UBE2D2: variants seen among roughly 807,000 people sequenced by gnomAD.
UBE2D2 encodes ubiquitin conjugating enzyme E2 D2, also known as ubiquitin-conjugating enzyme E2 D2.
Under a neutral mutation model 24.2 loss-of-function variants are expected in UBE2D2, and 2 were observed. The ratio of observed to expected loss-of-function variants is 0.08; its 90% CI spans 0.03 to 0.26. The LOEUF (loss-of-function observed/expected upper bound fraction) is 0.26, where lower values mean the gene tolerates loss of function less well. UBE2D2 is among the 10% of genes least tolerant of loss of function. The probability of loss-of-function intolerance (pLI) is 1.00; values close to 1 mark genes in which losing one functional copy is unlikely to be tolerated. For synonymous variants in UBE2D2, 58 were observed against 56.5 expected (o/e 1.03, Z -0.12); for missense variants, 44 against 177.6 (o/e 0.25, Z 4.28).
chr5:139,535,721 T>C (rs192906476), intron 1 of UBE2D2, among the ~76,000 whole-genome samples: 1 of 152,312 alleles, frequency 6.6e-6, no homozygotes, highest in East Asian at 1.9e-4. Flanking sequence ...TTTCCATGTA[T>C]TGACACAAAA....
chr5:139,596,493 C>T (rs1753962594), intron 1 of UBE2D2, among the ~76,000 whole-genome samples: 1 of 151,836 alleles, frequency 6.6e-6, no homozygotes, highest in African/African-American at 2.4e-5. Flanking sequence ...GGGGTTTCAC[C>T]ATGTTGGTCA....
At chr5:139,542,272 G>C (rs1752771172) in intron 1 of UBE2D2, among the ~76,000 whole-genome samples, 1 of 152,122 alleles carries the variant, frequency 6.6e-6, no homozygotes, top group Admixed American at 6.6e-5. Context: ...AGAGAAACAG[G>C]CTTACAGGCA....
At chr5:139,529,567 T>G (rs920724911) in intron 1 of UBE2D2, among the ~76,000 whole-genome samples, 1 of 152,122 alleles carries the variant, frequency 6.6e-6, no homozygotes, top group Non-Finnish European at 1.5e-5. Context: ...AAATGAAAAG[T>G]CAGCCCCTCC....
chr5:139,576,769 A>C (rs1753479940), intron 1 of UBE2D2, among the ~76,000 whole-genome samples: 1 of 152,120 alleles, frequency 6.6e-6, no homozygotes. Flanking sequence ...CTTACATAAA[A>C]TGTAATTTTA....
chr5:139,551,342 T>A (rs1009203697), intron 1 of UBE2D2, among the ~76,000 whole-genome samples: 17 of 152,014 alleles, frequency 1.1e-4, no homozygotes, highest in African/African-American at 3.6e-4. Context: ...AGAGTGAAAC[T>A]CCATCTCAAA....
At chr5:139,600,570 A>G in intron 2 of UBE2D2, 135 bp downstream of exon 2, 4 of 787,508 alleles carry the variant, frequency 5.1e-6, no homozygotes, top group Non-Finnish European at 8.1e-6. Context: ...TGTTCATCCC[A>G]TTATCATCTG....
intron 1 of UBE2D2, chr5:139,562,107 G>A (rs1753113573): frequency 2.0e-6 from 2 of 996,400 alleles, no homozygotes; most frequent in South Asian, 1.7e-5. Flanking sequence ...GACTGCCGCT[G>A]CACTTGAGGG....
intron 1 of UBE2D2, among the ~76,000 whole-genome samples, chr5:139,571,666 C>G (rs558497158): frequency 1.3e-5 from 2 of 152,100 alleles, no homozygotes; most frequent in African/African-American, 2.4e-5. Flanking sequence ...CCCTTCTCCC[C>G]TCTAATCTCT....
chr5:139,544,508 C>T (rs1419708721), intron 1 of UBE2D2, among the ~76,000 whole-genome samples: 3 of 151,220 alleles, frequency 2.0e-5, no homozygotes, highest in African/African-American at 7.3e-5. Context: ...CCAGGCTGGC[C>T]TTGAACTCTT....
chr5:139,542,595 A>G (rs1360312048), intron 1 of UBE2D2, among the ~76,000 whole-genome samples: 1 of 152,200 alleles, frequency 6.6e-6, no homozygotes, highest in Non-Finnish European at 1.5e-5. Context: ...TGCTGGGATT[A>G]CAGGGGTCAG....
At chr5:139,552,203 C>T (rs969973361) in intron 1 of UBE2D2, among the ~76,000 whole-genome samples, 1 of 149,458 alleles carries the variant, frequency 6.7e-6, no homozygotes, top group East Asian at 2.0e-4. Context: ...CACTCTGTTG[C>T]CCAGACTGGA....
intron 1 of UBE2D2, among the ~76,000 whole-genome samples, chr5:139,590,868 C>T (rs1476615216): frequency 7.5e-6 from 1 of 133,208 alleles, no homozygotes; most frequent in Non-Finnish European, 1.5e-5. Flanking sequence ...GATCTTGGCT[C>T]ATTGCAATGT....
At chr5:139,568,018 A>T (rs1221002912) in intron 1 of UBE2D2, among the ~76,000 whole-genome samples, 1 of 152,146 alleles carries the variant, frequency 6.6e-6, no homozygotes, top group Admixed American at 6.6e-5. Flanking sequence ...TAAAGAAAGT[A>T]GTTGTAACGC....
rs1754659304 is a variant in UBE2D2, at chr5:139,627,586, T to G, written c.*785T>G. The G allele has an allele frequency of 6.5e-6, 1 of 152,708 alleles. No homozygotes were observed. Among genetic ancestry groups the G allele is most frequent in the East Asian group, 1.9e-4 (1 of 5,208 alleles). The allele number at this position is 152,708 out of a possible 1,614,324, so 9.5% of individuals were successfully genotyped here. On this transcript the variant is annotated 3_prime_UTR_variant, in exon 7 of 7. Transcript: ENST00000398733. ...GATGTAAGGGTGAAAATTCATTTGA[T>G]GGAAATACTTGTGTATATTTAAAGA...
rs1022486952 is a variant in UBE2D2 at position 139,628,150 on chromosome 5, T to G, written c.*1349T>G. On this transcript the variant is annotated 3_prime_UTR_variant, in exon 7 of 7. Coordinates refer to ENST00000398733, the MANE Select transcript of UBE2D2 (RefSeq NM_003339.3). ...TACATAATTACTTTGCACTAACATTTGCAGGATGTTCACACAATTTTAAAT... is the reference window on the plus strand; with the variant it reads ...TACATAATTACTTTGCACTAACATTGGCAGGATGTTCACACAATTTTAAAT... 10 of 152,666 alleles carry G rather than the reference T, an allele frequency of 6.6e-5. No individual in the cohort carries two copies. The highest frequency in any genetic ancestry group is 2.4e-4 in the African/African-American group (10 of 41,462). 9.5% of individuals were successfully genotyped at this position (152,666 alleles called of 1,614,324 possible). A position where few individuals can be genotyped will look rare whatever the true frequency, so the allele number is the denominator to read the frequency against.
rs527707640 is a variant in UBE2D2 at position 139,575,646 on chromosome 5, C to G, written c.24+13831C>G. Among the ~76,000 whole-genome samples, 101 of 152,286 alleles carry G rather than the reference C, an allele frequency of 6.6e-4. No individual in the cohort carries two copies. In the South Asian group the frequency reaches 8.3e-3, roughly 12 times the overall value. ...GAAGTGTCTGCTGCTATCCTTTGAG[C>G]ACTAACCCCACCACCTGTAATGCAT... On this transcript the variant is annotated intron_variant, in intron 1 of 6. Transcript: ENST00000398733.
chr5:139,600,790 G>A lies in UBE2D2; in HGVS notation c.88+355G>A, dbSNP rs116728196. Among the ~76,000 whole-genome samples, 1,184 of 152,164 alleles carry A rather than the reference G, an allele frequency of 7.8e-3. 8 individuals are homozygous for A. Among genetic ancestry groups the A allele is most frequent in the Middle Eastern group, 0.041 (12 of 294 alleles). ...TGACTTTCTACTGACTCATACTTGC[G>A]AAATCAGGTCTTTATTTATTTTTTT... is the stretch of plus-strand genomic sequence containing the variant. On this transcript the variant is annotated intron_variant, in intron 2 of 6. Coordinates refer to ENST00000398733, the MANE Select transcript of UBE2D2 (RefSeq NM_003339.3).
At chr5:139,561,956 A>C in intron 1 of UBE2D2, 141 bp downstream of exon 1, 3 of 1,169,222 alleles carry the variant, frequency 2.6e-6, no homozygotes, top group Non-Finnish European at 3.4e-6. Context: ...TCCATACCCC[A>C]CTCCCAGTGA....
chr5:139,610,046 C>T (rs1435827659), intron 2 of UBE2D2, among the ~76,000 whole-genome samples: 1 of 151,918 alleles, frequency 6.6e-6, no homozygotes, highest in Non-Finnish European at 1.5e-5. Context: ...GCTGGGATTA[C>T]AGGTGTGAGC....
Sources: gnomAD v4.1 joint callset for allele counts (sites outside exome capture counted in the v4.1 genomes callset) on GRCh38, gnomAD v4.1.1 for gene constraint, MANE v1.5 for transcripts, NCBI Gene and HGNC (gene_info 2026-07-23, HGNC 2026-07-21) for gene names.